Variants in CDK17 observed in about 807,000 individuals in gnomAD.
CDK17 encodes the protein cyclin dependent kinase 17, also known as cyclin-dependent kinase 17.
CDK17 carries 24 observed loss-of-function variants against 77.6 expected under a neutral mutation model. The ratio of observed to expected loss-of-function variants is 0.31; its 90% CI spans 0.22 to 0.44. CDK17 has a LOEUF of 0.44. Among genes scored for constraint, CDK17 ranks in the 20% least tolerant of loss-of-function variants. CDK17 has a pLI of 1.00. For synonymous variants in CDK17, 203 were observed against 210.4 expected, an observed-to-expected ratio of 0.96 and a Z score of 0.30; for missense variants, 429 against 622.5, an observed-to-expected ratio of 0.69 and a Z score of 3.31.
intron 1 of CDK17, among the ~76,000 whole-genome samples, chr12:96,343,542 T>A (rs757641336): frequency 1.3e-5 from 2 of 152,246 alleles, no homozygotes; most frequent in African/African-American, 2.4e-5. Context: ...CGCACCTGCA[T>A]CTACTGGAAG....
intron 1 of CDK17, among the ~76,000 whole-genome samples, chr12:96,345,580 A>C (rs1953194551): frequency 6.6e-6 from 1 of 152,230 alleles, no homozygotes; most frequent in African/African-American, 2.4e-5. Context: ...AAAAGGTAAA[A>C]AAAATTATAA....
chr12:96,372,545 A>G (rs1261292494), intron 1 of CDK17, among the ~76,000 whole-genome samples: 1 of 152,182 alleles, frequency 6.6e-6, no homozygotes, highest in Non-Finnish European at 1.5e-5. Context: ...CCAATTTCCA[A>G]GCATACTCTA....
intron 1 of CDK17, among the ~76,000 whole-genome samples, chr12:96,393,144 C>G (rs1053469921): frequency 6.8e-6 from 1 of 147,670 alleles, no homozygotes; most frequent in Admixed American, 6.8e-5. Flanking sequence ...GCGGGTGGAT[C>G]ACGAGGTCAG....
intron 1 of CDK17, among the ~76,000 whole-genome samples, chr12:96,369,502 G>A (rs1184294001): frequency 2.6e-5 from 4 of 152,212 alleles, no homozygotes; most frequent in African/African-American, 9.6e-5. Context: ...TGTTGGCTGG[G>A]CACAGTGGCT....
intron 5 of CDK17, among the ~76,000 whole-genome samples, chr12:96,301,749 A>G (rs914486391): frequency 1.3e-5 from 2 of 152,178 alleles, no homozygotes; most frequent in Non-Finnish European, 2.9e-5. Flanking sequence ...AGAGGTCTAA[A>G]TACGCAATTT....
intron 2 of CDK17, among the ~76,000 whole-genome samples, chr12:96,327,564 T>C (rs557647235): frequency 3.0e-4 from 46 of 152,262 alleles, no homozygotes; most frequent in Admixed American, 9.8e-4. Flanking sequence ...TTTCTTTTTT[T>C]CCAGGCAGGG....
chr12:96,325,481 G>A (rs563838088), intron 2 of CDK17, among the ~76,000 whole-genome samples: 1 of 152,328 alleles, frequency 6.6e-6, no homozygotes, highest in East Asian at 1.9e-4. Flanking sequence ...CTTAGGATCC[G>A]CAGAACAGGA....
chr12:96,318,308 A>C (rs1353076997), intron 3 of CDK17, among the ~76,000 whole-genome samples: 1 of 151,506 alleles, frequency 6.6e-6, no homozygotes, highest in Non-Finnish European at 1.5e-5. Flanking sequence ...GCAAGTCCTG[A>C]GTGACCTACA....
intron 1 of CDK17, among the ~76,000 whole-genome samples, chr12:96,385,945 T>C (rs1953965841): frequency 6.6e-6 from 1 of 151,822 alleles, no homozygotes; most frequent in African/African-American, 2.4e-5. Flanking sequence ...CAACTCCCGG[T>C]AAAACTAAAA....
At chr12:96,301,920 T>C (rs1272936923) in intron 5 of CDK17, among the ~76,000 whole-genome samples, 1 of 152,182 alleles carries the variant, frequency 6.6e-6, no homozygotes, top group Non-Finnish European at 1.5e-5. Context: ...ATGATATGTA[T>C]CATATTAAAA....
At chr12:96,375,690 A>G (rs1349797160) in intron 1 of CDK17, among the ~76,000 whole-genome samples, 3 of 151,816 alleles carry the variant, frequency 2.0e-5, no homozygotes, top group African/African-American at 7.3e-5. Flanking sequence ...GATTACAGGC[A>G]CCCACCACCA....
intron 1 of CDK17, chr12:96,399,482 G>A (rs1954224187): frequency 6.6e-6 from 1 of 151,978 alleles, no homozygotes; most frequent in African/African-American, 2.4e-5. Context: ...GCGTCTCCAA[G>A]GAGCTGCAGG....
intron 1 of CDK17, among the ~76,000 whole-genome samples, chr12:96,341,609 G>T (rs930356796): frequency 6.6e-6 from 1 of 152,116 alleles, no homozygotes; most frequent in African/African-American, 2.4e-5. Flanking sequence ...TGGATTATCT[G>T]CTATACAATT....
At chr12:96,379,602 C>A (rs766207227) in intron 1 of CDK17, among the ~76,000 whole-genome samples, 1 of 151,814 alleles carries the variant, frequency 6.6e-6, no homozygotes, top group Non-Finnish European at 1.5e-5. Flanking sequence ...ATTTCTTAAA[C>A]ATTTTTTGTA....
chr12:96,362,666 T>G (rs1953513453), intron 1 of CDK17, among the ~76,000 whole-genome samples: 1 of 152,214 alleles, frequency 6.6e-6, no homozygotes, highest in Admixed American at 6.5e-5. Flanking sequence ...GCTAAATACT[T>G]TTAAGCAACC....
chr12:96,308,733 A>ATAATAATAATAATAATAC (rs1565813285), intron 5 of CDK17, among the ~76,000 whole-genome samples: 1 of 133,058 alleles, frequency 7.5e-6, no homozygotes, highest in Non-Finnish European at 1.5e-5. Context: ...GTCTCCAAAA[A>ATAATAATAATAATAATAC]TAATAATAAT....
intron 5 of CDK17, among the ~76,000 whole-genome samples, chr12:96,301,488 A>G (rs1952503431): frequency 6.6e-6 from 1 of 152,146 alleles, no homozygotes; most frequent in Admixed American, 6.5e-5. Context: ...AGGGACTGAG[A>G]GAGCAGAAAT....
chr12:96,309,969 C>T (rs1328824426), intron 5 of CDK17, among the ~76,000 whole-genome samples: 1 of 152,114 alleles, frequency 6.6e-6, no homozygotes, highest in East Asian at 1.9e-4. Context: ...AACAATTCCA[C>T]TCCTAGGTAA....
chr12:96,390,498 C>T (rs1156383229), intron 1 of CDK17, among the ~76,000 whole-genome samples: 1 of 149,118 alleles, frequency 6.7e-6, no homozygotes, highest in African/African-American at 2.4e-5. Flanking sequence ...CACCTGAGCT[C>T]AGGAGTTCAA....
Sources: allele counts gnomAD v4.1 joint callset (sites outside exome capture counted in the v4.1 genomes callset), GRCh38; gene constraint gnomAD v4.1.1; transcripts MANE v1.5; gene names NCBI Gene and HGNC (gene_info 2026-07-23, HGNC 2026-07-21).